The following CAPN1 variants were observed in gnomAD, a reference collection of about 807,000 sequenced individuals.
CAPN1 encodes calpain 1, also known as calpain-1 catalytic subunit.
Under a neutral mutation model 105.2 loss-of-function variants are expected in CAPN1, and 77 were observed. The ratio of observed to expected loss-of-function variants is 0.73; its 90% CI spans 0.61 to 0.88. The LOEUF is 0.88. Ranked by LOEUF, CAPN1 falls within the 40% of genes least tolerant of loss-of-function variation. The pLI is 0.00. For synonymous variants in CAPN1, 355 were observed against 388.8 expected (o/e 0.91, Z 1.02); for missense variants, 833 against 976.6 (o/e 0.85, Z 1.96).
rs1441358964 is a variant in CAPN1 at position 65,182,719 on chromosome 11, C to T, written c.18C>T (p.Ile6=). The change falls in exon 2 of 22, where the codon ATC becomes ATT. Residue 6 remains isoleucine (I), a synonymous_variant. Transcript: ENST00000279247. Reference sequence around the variant, plus strand: ...CCGGCAGGATGTCGGAGGAGATCATCACGCCGGTGTACTGCACTGGGGTGT... The same window carrying T: ...CCGGCAGGATGTCGGAGGAGATCATTACGCCGGTGTACTGCACTGGGGTGT... The part of the protein sequence containing the change: MSEEI[I]TPVYCTGVSA... The T allele has an allele frequency of 6.4e-7, 1 of 1,572,664 alleles. No individual in the cohort carries two copies. Among genetic ancestry groups the T allele is most frequent in the Non-Finnish European group, 8.6e-7 (1 of 1,158,598 alleles).
chr11:65,209,804 A>G lies in CAPN1; in HGVS notation c.1795-45A>G. On this transcript the variant is annotated intron_variant, in intron 17 of 21. Coordinates refer to ENST00000279247, the MANE Select transcript of CAPN1 (RefSeq NM_005186.4). The surrounding 1 kb of genome is among the most constrained non-coding windows in gnomAD (Gnocchi z 4.1). ...CTTCTGCACAGTTGCCCACTCTCCC[A>G]TGACTGGTCTAAGTGATGGAATTTC... 3.1e-6 allele frequency: 5 copies of G among 1,596,322 alleles called. No individual in the cohort carries two copies. Among genetic ancestry groups the G allele is most frequent in the Non-Finnish European group, 4.3e-6 (5 of 1,168,054 alleles).
rs763127070 is a variant in CAPN1, at chr11:65,188,723, C to CG, written c.1148dup (p.Cys384LeufsTer20). ...GGCACCTGGCGGCGGGGGAGCACCGCGGGGGGCTGCCGAAACTACCCAGGT... is the reference window on the plus strand; with the variant it reads ...GGCACCTGGCGGCGGGGGAGCACCGCGGGGGGGCTGCCGAAACTACCCAGGT... On this transcript the variant is annotated frameshift_variant, in exon 10 of 22. Transcript: ENST00000279247. LOFTEE classifies it high-confidence loss of function. This position sits in a 1 kb window ranked among gnomAD's most constrained non-coding sequence, Gnocchi z 5.5. 8.2e-6 allele frequency: 13 copies of CG among 1,583,196 alleles called. No individual in the cohort carries two copies. Among genetic ancestry groups the CG allele is most frequent in the Non-Finnish European group, 1.0e-5 (12 of 1,165,030 alleles).
chr11:65,208,466 GCTGTGC>G lies in CAPN1; in HGVS notation c.1729+207_1729+212del. 1 of 628,520 alleles carries G rather than the reference GCTGTGC, an allele frequency of 1.6e-6. No individual in the cohort carries two copies. 38.9% of individuals were successfully genotyped at this position (628,520 alleles called of 1,614,324 possible). On this transcript the variant is annotated intron_variant, in intron 16 of 21. Coordinates refer to ENST00000279247, the MANE Select transcript of CAPN1 (RefSeq NM_005186.4). This position sits in a 1 kb window ranked among gnomAD's most constrained non-coding sequence, Gnocchi z 4.1. The stretch of plus-strand genomic sequence containing the variant: ...ATCCTGATAATCCCTGTGCTCGGGT[GCTGTGC>G]CTTTGTGGGATTAGCAGCGCAGCCT...
At chr11:65,198,938 G>A (rs1011547460) in intron 10 of CAPN1, among the ~76,000 whole-genome samples, 1 of 152,156 alleles carries the variant, frequency 6.6e-6, no homozygotes, top group Non-Finnish European at 1.5e-5. Flanking sequence ...AAGTTCAAGC[G>A]ATTCTTCTTC....
chr11:65,183,026 G>A (rs556363584), intron 2 of CAPN1, 58 bp downstream of exon 2: 1 of 1,608,518 alleles, frequency 6.2e-7, no homozygotes, highest in Non-Finnish European at 8.5e-7. Flanking sequence ...TGAGGAGTAG[G>A]GATGGGACTC....
chr11:65,186,036 G>A lies in CAPN1; in HGVS notation c.576G>A (p.Glu192=). The A allele has an allele frequency of 6.2e-7, 1 of 1,611,706 alleles. No homozygotes were observed. The change falls in exon 5 of 22, where the codon GAG becomes GAA. Residue 192 remains glutamate (E), a synonymous_variant. Coordinates refer to ENST00000279247, the MANE Select transcript of CAPN1 (RefSeq NM_005186.4). ...ACGAGTTCTGGAGCGCCCTGCTTGA[G>A]AAGGCCTATGCCAAGTGAGTAGCGG... The part of the protein sequence containing the change: ...EGNEFWSALL[E]KAYAKVNGSY...
upstream of CAPN1, chr11:65,181,486 G>C: frequency 3.8e-6 from 1 of 261,880 alleles, no homozygotes; most frequent in South Asian, 3.1e-5. The surrounding 1 kb of genome is among the most constrained non-coding windows in gnomAD (Gnocchi z 4.6). Flanking sequence ...GGGGAGCTGG[G>C]GACCGGGCGG....
chr11:65,204,765 C>T lies in CAPN1; in HGVS notation c.1248C>T (p.Gly416=). The change falls in exon 11 of 22, where the codon GGC becomes GGT. Residue 416 remains glycine (G), a synonymous_variant. Coordinates refer to ENST00000279247, the MANE Select transcript of CAPN1 (RefSeq NM_005186.4). ...DPDDYGDRES[G]CSFVLALMQK... ...ACGACTACGGGGACCGCGAGTCAGG[C>T]TGCAGCTTCGTGCTCGCCCTTATGC... The T allele has an allele frequency of 2.5e-6, 4 of 1,613,136 alleles. No individual in the cohort carries two copies. The highest frequency in any genetic ancestry group is 3.4e-6 in the Non-Finnish European group (4 of 1,179,854).
chr11:65,183,417 C>T lies in CAPN1; in HGVS notation c.338-57C>T, dbSNP rs748347074. 1.0e-5 allele frequency: 14 copies of T among 1,377,112 alleles called. No homozygotes were observed. In the East Asian group the frequency reaches 2.5e-4, roughly 25 times the overall value. The allele number at this position is 1,377,112 out of a possible 1,614,324, so 85.3% of individuals were successfully genotyped here. ...AACCCCAGATTCTCCCTAGCACCCG[C>T]TTCCCCCCCCGGGGCAGGTTGGTAG... On this transcript the variant is annotated intron_variant, in intron 3 of 21. Coordinates refer to ENST00000279247, the MANE Select transcript of CAPN1 (RefSeq NM_005186.4).
intron 10 of CAPN1, among the ~76,000 whole-genome samples, chr11:65,191,850 A>C (rs1346817725): frequency 6.6e-6 from 1 of 152,022 alleles, no homozygotes; most frequent in Non-Finnish European, 1.5e-5. Context: ...GAGCAACCCT[A>C]TTAACTAAGC....
Position 65,211,501 on chromosome 11 carries a change from G to A in CAPN1, c.*215G>A. 1.6e-6 allele frequency: 1 copy of A among 608,006 alleles called. No individual in the cohort carries two copies. Among genetic ancestry groups the A allele is most frequent in the Non-Finnish European group, 3.0e-6 (1 of 336,010 alleles). 37.7% of individuals were successfully genotyped at this position (608,006 alleles called of 1,614,324 possible). On this transcript the variant is annotated 3_prime_UTR_variant, in exon 22 of 22. Coordinates refer to ENST00000279247, the MANE Select transcript of CAPN1 (RefSeq NM_005186.4). ...CTGCCTGTGCCAGCCATGGGCTCGG[G>A]ATGGACTCCCTGGGCCCCACCCATT...
At chr11:65,191,227 C>G (rs1264077871) in intron 10 of CAPN1, among the ~76,000 whole-genome samples, 2 of 152,078 alleles carry the variant, frequency 1.3e-5, no homozygotes, top group Admixed American at 1.3e-4. Context: ...TATTTTTTAT[C>G]ATAAAGAATT....
Position 65,211,643 on chromosome 11 carries a change from C to G in CAPN1, c.*357C>G, listed in dbSNP as rs1949051401. ...GAGGCCACCCACTCAGCACCACCGGCCTGGCCTTGCCTGCAGACTATAAAC... is the reference window on the plus strand; with the variant it reads ...GAGGCCACCCACTCAGCACCACCGGGCTGGCCTTGCCTGCAGACTATAAAC... On this transcript the variant is annotated 3_prime_UTR_variant, in exon 22 of 22. Transcript: ENST00000279247. 1.3e-5 allele frequency: 5 copies of G among 393,426 alleles called. No individual in the cohort carries two copies. The East Asian group carries it at 2.1e-4, about 17-fold the overall frequency. The allele number at this position is 393,426 out of a possible 1,614,324, so 24.4% of individuals were successfully genotyped here. A position where few individuals can be genotyped will look rare whatever the true frequency, so the allele number is the denominator to read the frequency against.
intron 14 of CAPN1, 74 bp downstream of exon 14, chr11:65,206,893 G>A (rs1948969636): frequency 7.0e-7 from 1 of 1,423,472 alleles, no homozygotes; most frequent in Admixed American, 2.0e-5. Context: ...GGACCCAGGT[G>A]TCCTGTCCCC....
rs1948628187 is a variant in CAPN1 at position 65,186,053 on chromosome 11, G to C, written c.590+3G>C. The C allele has an allele frequency of 6.2e-7, 1 of 1,611,238 alleles. No individual in the cohort carries two copies. Among genetic ancestry groups the C allele is most frequent in the Non-Finnish European group, 8.5e-7 (1 of 1,178,648 alleles). On this transcript the variant is annotated splice_donor_region_variant and intron_variant, in intron 5 of 21. Transcript: ENST00000279247. ...CTGCTTGAGAAGGCCTATGCCAAGT[G>C]AGTAGCGGCTGAGGGGGCAACTCCA...
Position 65,182,977 on chromosome 11 carries a change from G to C in CAPN1, c.267+9G>C, listed in dbSNP as rs548841466. 1.2e-6 allele frequency: 2 copies of C among 1,613,038 alleles called. No homozygotes were observed. The highest frequency in any genetic ancestry group is 1.3e-5 in the African/African-American group (1 of 74,906). Reference sequence around the variant, plus strand: ...AGTGGAAGCGTCCCACGGTGAGAGGGGCCATCCTGGGTGGGACTCGGCTAA... The same window carrying C: ...AGTGGAAGCGTCCCACGGTGAGAGGCGCCATCCTGGGTGGGACTCGGCTAA... On this transcript the variant is annotated intron_variant, in intron 2 of 21. Coordinates refer to ENST00000279247, the MANE Select transcript of CAPN1 (RefSeq NM_005186.4).
At position 65,208,735 on chromosome 11, in the gene CAPN1, A is replaced by C. The variant is rs1252839507; in HGVS notation, c.1729+473A>C. 3.9e-6 allele frequency: 1 copy of C among 253,284 alleles called. No individual in the cohort carries two copies. The highest frequency in any genetic ancestry group is 7.8e-6 in the Non-Finnish European group (1 of 128,136). The allele number at this position is 253,284 out of a possible 1,614,324, so 15.7% of individuals were successfully genotyped here. ...GTTAAGGCTGCAGTGAGCTGTGATCACATCAGTGCACTCCAGCCTGGGCAA... is the reference window on the plus strand; with the variant it reads ...GTTAAGGCTGCAGTGAGCTGTGATCCCATCAGTGCACTCCAGCCTGGGCAA... On this transcript the variant is annotated intron_variant, in intron 16 of 21. Coordinates refer to ENST00000279247, the MANE Select transcript of CAPN1 (RefSeq NM_005186.4). The surrounding 1 kb of genome is among the most constrained non-coding windows in gnomAD (Gnocchi z 4.1).
Position 65,210,583 on chromosome 11 carries a change from G to C in CAPN1, c.2059+131G>C, listed in dbSNP as rs1170625831. 1.4e-6 allele frequency: 1 copy of C among 731,556 alleles called. No homozygotes were observed. Among genetic ancestry groups the C allele is most frequent in the East Asian group, 2.7e-5 (1 of 37,238 alleles). 45.3% of individuals were successfully genotyped at this position (731,556 alleles called of 1,614,324 possible). A position where few individuals can be genotyped will look rare whatever the true frequency, so the allele number is the denominator to read the frequency against. On this transcript the variant is annotated intron_variant, in intron 20 of 21. Transcript: ENST00000279247. The surrounding 1 kb of genome is among the most constrained non-coding windows in gnomAD (Gnocchi z 4.3). The stretch of plus-strand genomic sequence containing the variant: ...TGTGGGTGTGTGCCAGAGAGGCCTG[G>C]GTCTGGGTTTGGGGGGCCCTGGCTG...
intron 6 of CAPN1, among the ~76,000 whole-genome samples, 174 bp downstream of exon 6, chr11:65,186,512 G>A (rs541316085): frequency 1.1e-4 from 16 of 151,970 alleles, no homozygotes; most frequent in Admixed American, 1.3e-4. Flanking sequence ...GCCTGGTGTC[G>A]CTCCTGTCCT....
Sources: gnomAD v4.1 joint callset for allele counts (sites outside exome capture counted in the v4.1 genomes callset) on GRCh38, gnomAD v4.1.1 for gene constraint, Gnocchi (gnomAD v3.1) non-coding constraint, MANE v1.5 for transcripts, NCBI Gene and HGNC (gene_info 2026-07-23, HGNC 2026-07-21) for gene names.